TNFSF11: variants seen among roughly 807,000 people sequenced by gnomAD.
The protein encoded by TNFSF11 is tumor necrosis factor ligand superfamily member 11.
In TNFSF11, 12 loss-of-function variants were observed where a neutral mutation model predicts 32.2. That is an observed-to-expected ratio of 0.37 (90% confidence interval 0.24 to 0.60). TNFSF11 has a LOEUF of 0.60. Among genes scored for constraint, TNFSF11 ranks in the 20% least tolerant of loss-of-function variants. TNFSF11 has a pLI of 0.66. For synonymous variants in TNFSF11, 172 were observed against 152.1 expected, an observed-to-expected ratio of 1.13 and a Z score of -0.96; for missense variants, 345 against 398.0, an observed-to-expected ratio of 0.87 and a Z score of 1.13.
At chr13:42,599,349 CATCTATCT>C (rs1555310744) in intron 2 of TNFSF11, among the ~76,000 whole-genome samples, 3 of 112,246 alleles carry the variant, frequency 2.7e-5, no homozygotes, top group Admixed American at 9.5e-5. Flanking sequence ...ATCTATCTAT[CATCTATCT>C]ATCTATCTAT....
chr13:42,604,190 G>C (rs1869328686), intron 4 of TNFSF11, among the ~76,000 whole-genome samples: 1 of 152,134 alleles, frequency 6.6e-6, no homozygotes, highest in African/African-American at 2.4e-5. Context: ...TGCAAGAGTG[G>C]GATAAGAATG....
At chr13:42,568,781 G>C (rs1311472990) in intron 2 of TNFSF11, among the ~76,000 whole-genome samples, 1 of 152,048 alleles carries the variant, frequency 6.6e-6, no homozygotes, top group African/African-American at 2.4e-5. Context: ...CCATTTCCAG[G>C]GTGAGATATT....
chr13:42,602,674 GCAAT>G (rs1162709790), intron 4 of TNFSF11, among the ~76,000 whole-genome samples: 1 of 152,180 alleles, frequency 6.6e-6, no homozygotes, highest in Non-Finnish European at 1.5e-5. Context: ...GTTAGCAAAG[GCAAT>G]CAAATAAATA....
intron 2 of TNFSF11, among the ~76,000 whole-genome samples, chr13:42,587,151 T>C (rs1594468390): frequency 6.6e-6 from 1 of 152,212 alleles, no homozygotes; most frequent in South Asian, 2.1e-4. Flanking sequence ...TGTTTCTAAG[T>C]TGGCTTCTCC....
intron 1 of TNFSF11, among the ~76,000 whole-genome samples, chr13:42,564,815 C>T (rs1872810994): frequency 6.6e-6 from 1 of 152,168 alleles, no homozygotes; most frequent in South Asian, 2.1e-4. Context: ...AGTTTCAGTG[C>T]AACTCTTGTT....
At chr13:42,584,007 A>G (rs1873762936) in intron 2 of TNFSF11, among the ~76,000 whole-genome samples, 1 of 152,220 alleles carries the variant, frequency 6.6e-6, no homozygotes, top group South Asian at 2.1e-4. Context: ...AAATAACTAG[A>G]AAACATGAGT....
chr13:42,601,954 C>T (rs550668326), intron 4 of TNFSF11, among the ~76,000 whole-genome samples: 29 of 152,308 alleles, frequency 1.9e-4, no homozygotes, highest in Non-Finnish European at 3.4e-4. Flanking sequence ...GTAGAATTCC[C>T]GTCCCGTTGA....
chr13:42,587,012 G>C (rs1052966342), intron 2 of TNFSF11, among the ~76,000 whole-genome samples: 2 of 152,158 alleles, frequency 1.3e-5, no homozygotes, highest in Non-Finnish European at 2.9e-5. Context: ...TCTGAGCTGG[G>C]TAACAAACAG....
intron 1 of TNFSF11, among the ~76,000 whole-genome samples, 158 bp from the exon 2 acceptor site, chr13:42,580,968 C>T (rs1011569340): frequency 1.3e-5 from 2 of 152,178 alleles, no homozygotes; most frequent in South Asian, 2.1e-4. Context: ...TAGAAGTCAA[C>T]GTTTTCACCA....
intron 2 of TNFSF11, among the ~76,000 whole-genome samples, chr13:42,600,284 G>A (rs1869096274): frequency 6.6e-6 from 1 of 152,156 alleles, no homozygotes; most frequent in Non-Finnish European, 1.5e-5. Context: ...ACCACTGGGA[G>A]CTAAGCATCG....
intron 1 of TNFSF11, among the ~76,000 whole-genome samples, chr13:42,579,730 C>CTTTTTTTTTT (rs1555308982): frequency 7.3e-5 from 2 of 27,266 alleles, no homozygotes; most frequent in Admixed American, 4.8e-4. Context: ...TTTTTTTTTG[C>CTTTTTTTTTT]AAAGTGTCTG....
intron 2 of TNFSF11, among the ~76,000 whole-genome samples, chr13:42,595,641 GC>G: frequency 6.6e-6 from 1 of 152,310 alleles, no homozygotes; most frequent in East Asian, 1.9e-4. Context: ...AAATCTACAG[GC>G]ATTCTGATGG....
chr13:42,573,820 G>C, upstream of TNFSF11, among the ~76,000 whole-genome samples: 1 of 152,156 alleles, frequency 6.6e-6, no homozygotes, highest in South Asian at 2.1e-4. Context: ...TACCAAACTA[G>C]AATGGATGCA....
chr13:42,606,603 T>G lies in TNFSF11; in HGVS notation c.639T>G (p.Phe213Leu). 6.2e-7 allele frequency: 1 copy of G among 1,614,194 alleles called. No homozygotes were observed. The highest frequency in any genetic ancestry group is 1.7e-5 in the Admixed American group (1 of 60,022). The change falls in exon 5 of 5, where the codon TTT becomes TTG. Residue 213 changes from phenylalanine (F) to leucine (L), a missense_variant. This residue lies in a region of TNFSF11 where 148 missense variants were observed against 216.0 expected (regional missense o/e 0.69). Coordinates refer to ENST00000398795, the MANE Select transcript of TNFSF11 (RefSeq NM_003701.4). ...AACTAATAGTTAATCAGGATGGCTTTTATTACCTGTATGCCAACATTTGCT... is the reference window on the plus strand; with the variant it reads ...AACTAATAGTTAATCAGGATGGCTTGTATTACCTGTATGCCAACATTTGCT... Reference protein sequence around the residue: ...NGKLIVNQDGFYYLYANICFR... With the variant: ...NGKLIVNQDGLYYLYANICFR...
At chr13:42,579,022 A>G (rs9533158) in intron 1 of TNFSF11, among the ~76,000 whole-genome samples, 123,396 of 152,204 alleles carry the variant, frequency 0.81, 50,227 homozygotes, top group South Asian at 0.88. Context: ...AGTATGCCAA[A>G]GTAAAGCCTG....
intron 2 of TNFSF11, among the ~76,000 whole-genome samples, chr13:42,583,511 A>G (rs748296250): frequency 2.0e-5 from 3 of 151,372 alleles, no homozygotes; most frequent in African/African-American, 4.9e-5. Context: ...TTCAATACCA[A>G]CGGGTTAAAG....
At chr13:42,574,794 C>T (rs137927943) in intron 1 of TNFSF11, among the ~76,000 whole-genome samples, 3 of 152,368 alleles carry the variant, frequency 2.0e-5, no homozygotes, top group Non-Finnish European at 4.4e-5. Context: ...GTTTGAATCT[C>T]ACCCCGTCCC....
At chr13:42,588,637 A>G (rs1335572837) in intron 2 of TNFSF11, among the ~76,000 whole-genome samples, 1 of 152,160 alleles carries the variant, frequency 6.6e-6, no homozygotes, top group Non-Finnish European at 1.5e-5. Context: ...AGTGTTTCCA[A>G]ACCTCCTGGA....
At position 42,603,601 on chromosome 13, in the gene TNFSF11, G is replaced by A. The variant is rs542191522; in HGVS notation, c.532+2620G>A. Among the ~76,000 whole-genome samples the A allele has an allele frequency of 4.0e-5, 6 of 151,826 alleles. No individual in the cohort carries two copies. The East Asian group carries it at 7.7e-4, about 20-fold the overall frequency. On this transcript the variant is annotated intron_variant, in intron 4 of 4. Transcript: ENST00000398795. ...ACTGACAATACCCTCCCTTTTCTCA[G>A]CCCATCCAAGTCTGACCCAAGGCCC... is the stretch of plus-strand genomic sequence containing the variant.
Sources: gnomAD v4.1 joint callset for allele counts (sites outside exome capture counted in the v4.1 genomes callset) on GRCh38, gnomAD v4.1.1 for gene constraint, gnomAD v4.1.1 regional missense constraint, MANE v1.5 for transcripts, NCBI Gene and HGNC (gene_info 2026-07-23, HGNC 2026-07-21) for gene names.